EFCAB13: variants seen among roughly 807,000 people sequenced by gnomAD.
The protein encoded by EFCAB13 is EF-hand calcium-binding domain-containing protein 13.
In EFCAB13, 91 loss-of-function variants were observed where a neutral mutation model predicts 110.2. The observed-to-expected ratio is 0.83, with a 90% CI of 0.70 to 0.98. EFCAB13 has a LOEUF of 0.98. EFCAB13 is among the 50% of genes least tolerant of loss of function. EFCAB13 has a pLI of 0.00. For synonymous variants in EFCAB13, 323 were observed against 369.9 expected (o/e 0.87, Z 1.45); for missense variants, 968 against 1,119.4 (o/e 0.86, Z 1.93).
chr17:47,361,067 G>T (rs961349128), intron 9 of EFCAB13, among the ~76,000 whole-genome samples: 4 of 151,824 alleles, frequency 2.6e-5, no homozygotes, highest in African/African-American at 9.7e-5. Flanking sequence ...GATGTCTTGG[G>T]GACCCCCAGA....
intron 14 of EFCAB13, among the ~76,000 whole-genome samples, chr17:47,384,198 C>A (rs1199322327): frequency 9.9e-6 from 1 of 101,144 alleles, no homozygotes; most frequent in African/African-American, 3.8e-5. Context: ...GTGAATAGTT[C>A]CCCATCCCTT....
intron 20 of EFCAB13, among the ~76,000 whole-genome samples, chr17:47,408,625 C>G (rs2065817789): frequency 6.6e-6 from 1 of 152,092 alleles, no homozygotes; most frequent in Non-Finnish European, 1.5e-5. Context: ...GCACTCCAGT[C>G]GGGGCGACAG....
At chr17:47,383,319 T>C (rs560018405) in intron 14 of EFCAB13, among the ~76,000 whole-genome samples, 3 of 152,340 alleles carry the variant, frequency 2.0e-5, no homozygotes, top group African/African-American at 7.2e-5. Context: ...TGTTTTCTGA[T>C]AGCATTTGAA....
At chr17:47,345,434 T>C (rs2065409633) in intron 8 of EFCAB13, among the ~76,000 whole-genome samples, 1 of 152,148 alleles carries the variant, frequency 6.6e-6, no homozygotes, top group South Asian at 2.1e-4. Flanking sequence ...CTTTGGTATC[T>C]TAGTATTAAG....
chr17:47,370,458 G>T lies in EFCAB13; in HGVS notation c.827G>T (p.Gly276Val), dbSNP rs753294166. The change falls in exon 11 of 25, where the codon GGG becomes GTG. Residue 276 changes from glycine to valine, a missense_variant. By Grantham distance (109) the Gly-to-Val change is moderately radical. Transcript: ENST00000331493. ...YIDSNHMVDI[G>V]DIIFTLNELQ... is the part of the protein sequence containing the mutation. ...ACAGGTAACCACATGGTGGATATTG[G>T]GGATATTATATTTACTTTGAATGAG... The T allele has an allele frequency of 1.1e-5, 17 of 1,604,390 alleles. No homozygotes were observed. Among genetic ancestry groups the T allele is most frequent in the Non-Finnish European group, 1.4e-5 (16 of 1,171,794 alleles).
At chr17:47,384,772 CTT>C (rs879806018) in intron 14 of EFCAB13, among the ~76,000 whole-genome samples, 3 of 144,388 alleles carry the variant, frequency 2.1e-5, no homozygotes, top group Admixed American at 6.9e-5. Context: ...CTGCCCTTAA[CTT>C]TTTTTTTTTT....
intron 9 of EFCAB13, among the ~76,000 whole-genome samples, chr17:47,359,698 A>G (rs1252063098): frequency 2.7e-5 from 4 of 150,486 alleles, no homozygotes; most frequent in African/African-American, 4.9e-5. Flanking sequence ...ATATGTATAC[A>G]TGTGCCATGC....
chr17:47,399,116 T>G (rs2143437608), intron 17 of EFCAB13, among the ~76,000 whole-genome samples: 1 of 152,268 alleles, frequency 6.6e-6, no homozygotes, highest in African/African-American at 2.4e-5. Context: ...GGTTTTGTCA[T>G]GTTGTCCAGG....
At chr17:47,419,954 G>A (rs572492517) in intron 23 of EFCAB13, among the ~76,000 whole-genome samples, 1 of 140,294 alleles carries the variant, frequency 7.1e-6, no homozygotes, top group Admixed American at 7.0e-5. Context: ...CTCTCCCCAC[G>A]GTCTCCCTCT....
intron 23 of EFCAB13, among the ~76,000 whole-genome samples, chr17:47,423,839 G>C (rs1904823419): frequency 6.6e-6 from 1 of 151,290 alleles, no homozygotes; most frequent in Admixed American, 6.6e-5. Flanking sequence ...GAGCTTTGCT[G>C]GGCTCCGTGT....
intron 23 of EFCAB13, among the ~76,000 whole-genome samples, chr17:47,420,228 C>G (rs572517444): frequency 6.6e-6 from 1 of 152,170 alleles, no homozygotes; most frequent in Non-Finnish European, 1.5e-5. Context: ...GGGTTGCAGA[C>G]GGAGTCTGGT....
chr17:47,407,767 T>G (rs1285636296), intron 20 of EFCAB13, among the ~76,000 whole-genome samples: 1 of 152,220 alleles, frequency 6.6e-6, no homozygotes, highest in Non-Finnish European at 1.5e-5. Flanking sequence ...TTGTTTTTTG[T>G]TTTTTAATTT....
chr17:47,344,516 G>A (rs1156747815), intron 7 of EFCAB13, among the ~76,000 whole-genome samples: 1 of 152,040 alleles, frequency 6.6e-6, no homozygotes, highest in Non-Finnish European at 1.5e-5. Context: ...ACATCTCTGG[G>A]CATCACTTTC....
intron 14 of EFCAB13, among the ~76,000 whole-genome samples, chr17:47,385,292 G>C (rs1026485005): frequency 6.6e-6 from 1 of 152,012 alleles, no homozygotes; most frequent in East Asian, 1.9e-4. Context: ...ATCAATCGTA[G>C]GTTTGGTCTT....
intron 20 of EFCAB13, among the ~76,000 whole-genome samples, chr17:47,407,427 C>A (rs536224044): frequency 5.8e-4 from 88 of 152,094 alleles, no homozygotes; most frequent in African/African-American, 2.1e-3. Flanking sequence ...CTGCCTTATT[C>A]GACAGTGTAG....
chr17:47,401,002 A>G (rs1216010773), intron 17 of EFCAB13, among the ~76,000 whole-genome samples: 1 of 152,250 alleles, frequency 6.6e-6, no homozygotes, highest in Admixed American at 6.5e-5. Flanking sequence ...AAACACTTCT[A>G]TCCTTCTCTA....
At chr17:47,391,640 TA>T in intron 15 of EFCAB13, 60 bp downstream of exon 15, 1 of 1,434,222 alleles carries the variant, frequency 7.0e-7, no homozygotes, top group African/African-American at 1.5e-5. Context: ...GTCAATTTGT[TA>T]TTTTTTTCTT....
At chr17:47,375,352 G>A (rs576553680) in intron 12 of EFCAB13, among the ~76,000 whole-genome samples, 8 of 152,176 alleles carry the variant, frequency 5.3e-5, no homozygotes, top group East Asian at 1.9e-4. Flanking sequence ...GTGTAGTGGC[G>A]TGATCCTAGC....
intron 14 of EFCAB13, among the ~76,000 whole-genome samples, chr17:47,383,637 CT>C (rs2065658992): frequency 6.6e-6 from 1 of 152,300 alleles, no homozygotes; most frequent in South Asian, 2.1e-4. Context: ...GCACTGTGGT[CT>C]GAGAGACTGT....
Sources: gnomAD v4.1 joint callset for allele counts (sites outside exome capture counted in the v4.1 genomes callset) on GRCh38, gnomAD v4.1.1 for gene constraint, MANE v1.5 for transcripts, NCBI Gene and HGNC (gene_info 2026-07-23, HGNC 2026-07-21) for gene names.